NAA35: variants seen among roughly 807,000 people sequenced by gnomAD.
NAA35 encodes the protein N-alpha-acetyltransferase 35, NatC auxiliary subunit, also known as MAK10 homolog, amino-acid N-acetyltransferase subunit.
Under a neutral mutation model 101.7 loss-of-function variants are expected in NAA35, and 18 were observed. That is an observed-to-expected ratio of 0.18 (90% CI 0.12 to 0.26). The LOEUF is 0.26. NAA35 is among the 10% of genes least tolerant of loss of function. The pLI is 1.00. For synonymous variants in NAA35, 267 were observed against 273.1 expected, an observed-to-expected ratio of 0.98 and a Z score of 0.22; for missense variants, 601 against 886.8, an observed-to-expected ratio of 0.68 and a Z score of 4.09.
intron 2 of NAA35, among the ~76,000 whole-genome samples, chr9:85,952,526 C>T (rs1199873367): frequency 6.6e-6 from 1 of 152,074 alleles, no homozygotes; most frequent in Non-Finnish European, 1.5e-5. Flanking sequence ...CTCCAGTAAT[C>T]CACCTGCCTC....
At chr9:86,015,529 A>G (rs1832166016) in intron 17 of NAA35, 1 of 165,466 alleles carries the variant, frequency 6.0e-6, no homozygotes, top group Non-Finnish European at 1.2e-5. Flanking sequence ...TTTTTGGGCT[A>G]AGTTCCTAGA....
At chr9:85,967,418 G>A (rs1829797879) in intron 6 of NAA35, among the ~76,000 whole-genome samples, 1 of 152,068 alleles carries the variant, frequency 6.6e-6, no homozygotes, top group Admixed American at 6.5e-5. Flanking sequence ...TCTTCGTTTT[G>A]CTAAATTTTT....
At chr9:86,005,769 A>G (rs1425856550) in intron 13 of NAA35, among the ~76,000 whole-genome samples, 2 of 152,210 alleles carry the variant, frequency 1.3e-5, no homozygotes, top group Non-Finnish European at 2.9e-5. Context: ...AATATGATTA[A>G]TATTCAGCAA....
chr9:86,010,720 G>A (rs1434586358), intron 15 of NAA35, among the ~76,000 whole-genome samples: 1 of 150,868 alleles, frequency 6.6e-6, no homozygotes, highest in Non-Finnish European at 1.5e-5. Context: ...GACTACAGGC[G>A]CCGCCATCAT....
chr9:85,959,340 G>A (rs933901213), intron 4 of NAA35, among the ~76,000 whole-genome samples: 2 of 147,778 alleles, frequency 1.4e-5, no homozygotes, highest in Non-Finnish European at 3.0e-5. Flanking sequence ...CACGCCACCT[G>A]CACTCCAGCC....
Position 86,018,314 on chromosome 9 carries a change from T to G in NAA35, c.1833T>G (p.Ser611Arg), listed in dbSNP as rs201797022. 94 of 1,614,070 alleles carry G rather than the reference T, an allele frequency of 5.8e-5. No homozygotes were observed. The African/African-American group carries it at 9.2e-4, about 16-fold the overall frequency. The change falls in exon 20 of 23, where the codon AGT (serine) becomes AGG (arginine). Residue 611 changes from serine to arginine, a missense_variant. Around this residue, in one of 8 missense-constraint regions of NAA35, gnomAD observed 90 missense variants for 108.7 expected, o/e 0.83. Transcript: ENST00000361671. ...KVRKPKFELD[S>R]EQVRYEHRFA... ...GTAAACCGAAGTTTGAGCTTGATAGTGAACAAGTTCGGTATGAACACAGGT... is the reference window on the plus strand; with the variant it reads ...GTAAACCGAAGTTTGAGCTTGATAGGGAACAAGTTCGGTATGAACACAGGT...
intron 6 of NAA35, among the ~76,000 whole-genome samples, chr9:85,962,490 C>CAAAAAAAAAAAAAAAAA (rs781302881): frequency 9.3e-5 from 8 of 85,898 alleles, no homozygotes; most frequent in Admixed American, 1.5e-4. Flanking sequence ...GACTCTGTCT[C>CAAAAAAAAAAAAAAAAA]AAAAAAAAAA....
Position 86,013,932 on chromosome 9 carries a change from G to A in NAA35, c.1568+35G>A, listed in dbSNP as rs115219777. 1,437 of 1,463,560 alleles carry A rather than the reference G, an allele frequency of 9.8e-4. 9 individuals carry two copies. The African/African-American group carries it at 0.018, about 18-fold the overall frequency. 90.7% of individuals were successfully genotyped at this position (1,463,560 alleles called of 1,614,324 possible). A position where few individuals can be genotyped will look rare whatever the true frequency, so the allele number is the denominator to read the frequency against. Reference sequence around the variant, plus strand: ...CAGTTTGAGTTAAAATTGGTGGTGGGTGCAATGGATAAGATCTGAGAATTC... The same window carrying A: ...CAGTTTGAGTTAAAATTGGTGGTGGATGCAATGGATAAGATCTGAGAATTC... On this transcript the variant is annotated intron_variant, in intron 17 of 22. Transcript: ENST00000361671.
intron 14 of NAA35, among the ~76,000 whole-genome samples, 175 bp from the exon 15 acceptor site, chr9:86,009,690 A>C (rs1035827736): frequency 6.6e-6 from 1 of 152,218 alleles, no homozygotes; most frequent in Admixed American, 6.5e-5. Flanking sequence ...TTATTGTGTG[A>C]ATTACATAAT....
At chr9:85,975,453 C>T (rs539654795) in intron 8 of NAA35, among the ~76,000 whole-genome samples, 1 of 152,246 alleles carries the variant, frequency 6.6e-6, no homozygotes, top group Non-Finnish European at 1.5e-5. Flanking sequence ...CTCAAGGATG[C>T]TCAAGTCTCT....
chr9:86,002,793 A>C (rs991175033), intron 12 of NAA35, among the ~76,000 whole-genome samples: 2 of 152,048 alleles, frequency 1.3e-5, no homozygotes, highest in African/African-American at 4.8e-5. Context: ...GGGTTTTGCT[A>C]TCCTCCTGAA....
In NAA35 at chr9:86,008,668, C is replaced by T. The variant is rs142873504; in HGVS notation, c.1224-1197C>T. Among the ~76,000 whole-genome samples the T allele has an allele frequency of 7.2e-4, 110 of 152,150 alleles. 1 individual carries two copies. The highest frequency in any genetic ancestry group is 6.5e-4 in the Admixed American group (10 of 15,272). On this transcript the variant is annotated intron_variant, in intron 14 of 22. Coordinates refer to ENST00000361671, the MANE Select transcript of NAA35 (RefSeq NM_024635.4). ...CAGAAACTTTATGGAACATAAATACCACAAATAATGATAATTGTATATATG... is the reference window on the plus strand; with the variant it reads ...CAGAAACTTTATGGAACATAAATACTACAAATAATGATAATTGTATATATG...
In NAA35 at chr9:85,976,662, A is replaced by AT. The variant is rs1356448125; in HGVS notation, c.628-21dup. The AT allele has an allele frequency of 3.2e-6, 5 of 1,554,396 alleles. No homozygotes were observed. The Admixed American group carries it at 6.1e-5, about 19-fold the overall frequency. ...TAATATTTTTTCAGGTTTGTGTTTA[A>AT]TTCACCTTTTTTAAAATTTTAGAGT... On this transcript the variant is annotated intron_variant, in intron 8 of 22. Coordinates refer to ENST00000361671, the MANE Select transcript of NAA35 (RefSeq NM_024635.4).
At chr9:85,985,714 ATACTT>A (rs1244848939) in intron 11 of NAA35, among the ~76,000 whole-genome samples, 1 of 152,198 alleles carries the variant, frequency 6.6e-6, no homozygotes, top group African/African-American at 2.4e-5. Context: ...ATTGAATTGT[ATACTT>A]TAAATAGGTG....
chr9:85,970,440 A>G (rs867953594), intron 6 of NAA35, among the ~76,000 whole-genome samples: 2 of 152,314 alleles, frequency 1.3e-5, no homozygotes, highest in Middle Eastern at 6.8e-3. Context: ...TTACAAAGGG[A>G]AAAATGATAG....
At chr9:85,977,198 T>C (rs1302331631) in intron 9 of NAA35, among the ~76,000 whole-genome samples, 165 bp from the exon 10 acceptor site, 3 of 152,160 alleles carry the variant, frequency 2.0e-5, no homozygotes, top group Admixed American at 6.6e-5. Context: ...AGGCTTTGTT[T>C]TGTTTTCTGC....
chr9:85,996,285 G>A, intron 11 of NAA35, 114 bp from the exon 12 acceptor site: 3 of 644,498 alleles, frequency 4.7e-6, no homozygotes, highest in Non-Finnish European at 7.9e-6. Flanking sequence ...GGATTTTGTG[G>A]TTAGAATTTG....
At chr9:85,949,778 CT>C (rs1220648114) in intron 2 of NAA35, among the ~76,000 whole-genome samples, 1 of 151,266 alleles carries the variant, frequency 6.6e-6, no homozygotes, top group Non-Finnish European at 1.5e-5. Flanking sequence ...ATTGAGCCTA[CT>C]TAAGGCTTTA....
At chr9:86,020,255 AGGG>A (rs540517190) in intron 21 of NAA35, among the ~76,000 whole-genome samples, 61 of 152,256 alleles carry the variant, frequency 4.0e-4, no homozygotes, top group African/African-American at 1.3e-3. Context: ...GAAAATATAA[AGGG>A]GGAGTCTAAA....
Sources: allele counts gnomAD v4.1 joint callset (sites outside exome capture counted in the v4.1 genomes callset), GRCh38; gene constraint gnomAD v4.1.1; regional missense constraint gnomAD v4.1.1; transcripts MANE v1.5; gene names NCBI Gene and HGNC (gene_info 2026-07-23, HGNC 2026-07-21).